RPN2: variants seen among roughly 807,000 people sequenced by gnomAD.
The protein encoded by RPN2 is dolichyl-diphosphooligosaccharide--protein glycosyltransferase subunit 2.
In RPN2, 29 loss-of-function variants were observed where a neutral mutation model predicts 71.4. The ratio of observed to expected loss-of-function variants is 0.41; its 90% CI spans 0.30 to 0.55. The LOEUF is 0.55. Among genes scored for constraint, RPN2 ranks in the 20% least tolerant of loss-of-function variants. The pLI is 0.35. For synonymous variants in RPN2, 308 were observed against 305.0 expected, an observed-to-expected ratio of 1.01 and a Z score of -0.10; for missense variants, 726 against 774.1, an observed-to-expected ratio of 0.94 and a Z score of 0.74.
At chr20:37,223,053 A>G (rs1484619808) in intron 9 of RPN2, among the ~76,000 whole-genome samples, 1 of 152,196 alleles carries the variant, frequency 6.6e-6, no homozygotes, top group Non-Finnish European at 1.5e-5. Flanking sequence ...GCTTCATGAT[A>G]TCTTTGCTCC....
chr20:37,232,068 G>A (rs1483709051), intron 13 of RPN2, among the ~76,000 whole-genome samples: 1 of 152,202 alleles, frequency 6.6e-6, no homozygotes, highest in Non-Finnish European at 1.5e-5. Flanking sequence ...GGTTGGCCAA[G>A]CAGTGAGCTG....
intron 2 of RPN2, among the ~76,000 whole-genome samples, chr20:37,185,031 T>G (rs574515077): frequency 2.3e-4 from 35 of 152,278 alleles, no homozygotes; most frequent in African/African-American, 7.5e-4. Flanking sequence ...TGGAAGGCAC[T>G]CACATGTATT....
rs373475376 is a variant in RPN2, at chr20:37,207,297, G to A, written c.715G>A (p.Ala239Thr). The part of the protein sequence containing the change: ...KEDQVIQLMN[A>T]IFSKKNFESL... Reference sequence around the variant, plus strand: ...GGATCAGGTCATCCAGCTGATGAACGCGATCTTCAGCAAGAAGAACTTTGA... The same window carrying A: ...GGATCAGGTCATCCAGCTGATGAACACGATCTTCAGCAAGAAGAACTTTGA... Residue 239 changes from alanine to threonine, a missense_variant, in exon 7 of 17, where the codon GCG becomes ACG. By Grantham distance (58) the Ala-to-Thr change is moderately conservative. Coordinates refer to ENST00000237530, the MANE Select transcript of RPN2 (RefSeq NM_002951.5). 1.1e-4 allele frequency: 172 copies of A among 1,613,916 alleles called. 2 individuals are homozygous for A. The Middle Eastern group carries it at 2.5e-3, about 23-fold the overall frequency.
Position 37,199,190 on chromosome 20 carries a change from T to TA in RPN2, c.445dup (p.Thr149AsnfsTer28), listed in dbSNP as rs748829395. ...CATCCCAAGAAGCACTCAGTGCCCT[T>TA]ACTGCTCGTCTCAGCAAGGAGGAGA... On this transcript the variant is annotated frameshift_variant, in exon 4 of 17. Transcript: ENST00000237530. LOFTEE classifies it high-confidence loss of function. The TA allele has an allele frequency of 1.2e-6, 2 of 1,614,190 alleles. No individual in the cohort carries two copies. The highest frequency in any genetic ancestry group is 1.7e-6 in the Non-Finnish European group (2 of 1,180,038).
intron 4 of RPN2, among the ~76,000 whole-genome samples, chr20:37,202,893 G>A (rs1401318139): frequency 3.9e-5 from 6 of 152,078 alleles, no homozygotes; most frequent in African/African-American, 1.2e-4. Context: ...GAGGGCTAAG[G>A]GGAGACACAA....
Position 37,225,691 on chromosome 20 carries a change from G to T in RPN2, c.1188G>T (p.Val396=). The T allele has an allele frequency of 6.2e-7, 1 of 1,611,222 alleles. No homozygotes were observed. The change falls in exon 11 of 17, where the codon GTG becomes GTT. Residue 396 remains valine (V), a synonymous_variant. Coordinates refer to ENST00000237530, the MANE Select transcript of RPN2 (RefSeq NM_002951.5). ...DQSIAPKTTR[V]TYPAKAKGTF... is the part of the protein sequence containing the mutation. ...TAACTCTATATGCCTCTTTCAGGGTGACATACCCAGCCAAAGCCAAGGGCA... is the reference window on the plus strand; with the variant it reads ...TAACTCTATATGCCTCTTTCAGGGTTACATACCCAGCCAAAGCCAAGGGCA...
Position 37,222,514 on chromosome 20 carries a change from T to A in RPN2, c.1093-1364T>A, listed in dbSNP as rs945554879. Among the ~76,000 whole-genome samples, 3 of 152,116 alleles carry A rather than the reference T, an allele frequency of 2.0e-5. No individual in the cohort carries two copies. In the East Asian group the frequency reaches 5.8e-4, roughly 29 times the overall value. On this transcript the variant is annotated intron_variant, in intron 9 of 16. Transcript: ENST00000237530. ...CCGTTAGAAGGAATTACTTGATAGG[T>A]ATCTTTATTTTTAATTTTTCTTCTT...
chr20:37,228,489 G>A, intron 11 of RPN2, 61 bp from the exon 12 acceptor site: 1 of 1,526,512 alleles, frequency 6.6e-7, no homozygotes, highest in Non-Finnish European at 9.1e-7. Flanking sequence ...TGGATTCAAT[G>A]TTAGGCCCAG....
At chr20:37,239,812 G>A (rs549888815) in intron 16 of RPN2, among the ~76,000 whole-genome samples, 1 of 152,198 alleles carries the variant, frequency 6.6e-6, no homozygotes, top group Non-Finnish European at 1.5e-5. Flanking sequence ...TGCCCGTTTG[G>A]TTTCATCCTA....
chr20:37,223,838 A>C lies in RPN2; in HGVS notation c.1093-40A>C, dbSNP rs1435000491. On this transcript the variant is annotated intron_variant, in intron 9 of 16. Transcript: ENST00000237530. ...TCTGCATGTGAATTCCTGAACACCCACCAATTGACCTGGCAACTGTCTTCT... is the reference window on the plus strand; with the variant it reads ...TCTGCATGTGAATTCCTGAACACCCCCCAATTGACCTGGCAACTGTCTTCT... 10 of 1,547,394 alleles carry C rather than the reference A, an allele frequency of 6.5e-6. No homozygotes were observed. In the East Asian group the frequency reaches 2.2e-4, roughly 35 times the overall value.
intron 9 of RPN2, among the ~76,000 whole-genome samples, chr20:37,217,832 C>T (rs2067853141): frequency 6.6e-6 from 1 of 151,902 alleles, no homozygotes; most frequent in Non-Finnish European, 1.5e-5. Context: ...CTCCCGGGTT[C>T]AAGTGATTCT....
In RPN2 at chr20:37,236,696, C is replaced by G; in HGVS notation, c.1870C>G (p.Gln624Glu). ...GGCTGGCAATCGGATGCTGGCCCAG[C>G]AGGCAGTCAAGAGGTAAGGCCAGAC... The part of the protein sequence containing the change: ...FLAGNRMLAQ[Q>E]AVKRTAH The change falls in exon 16 of 17, where the codon CAG (glutamine) becomes GAG (glutamate). Residue 624 changes from glutamine to glutamate, a missense_variant. Coordinates refer to ENST00000237530, the MANE Select transcript of RPN2 (RefSeq NM_002951.5). The G allele has an allele frequency of 6.2e-7, 1 of 1,614,076 alleles. No homozygotes were observed.
chr20:37,183,547 A>G (rs1600728611), intron 1 of RPN2, among the ~76,000 whole-genome samples: 1 of 152,244 alleles, frequency 6.6e-6, no homozygotes, highest in East Asian at 1.9e-4. Flanking sequence ...TACTATTATC[A>G]CTTTACACTT....
chr20:37,207,904 A>T (rs2067553864), intron 7 of RPN2, among the ~76,000 whole-genome samples: 1 of 151,520 alleles, frequency 6.6e-6, no homozygotes, highest in Non-Finnish European at 1.5e-5. Context: ...CTGGTGTTGA[A>T]CTCCTAGCCT....
chr20:37,181,140 A>G (rs958709268), intron 1 of RPN2, among the ~76,000 whole-genome samples: 2 of 151,952 alleles, frequency 1.3e-5, no homozygotes, highest in Admixed American at 1.3e-4. Flanking sequence ...GAGGCAGGAG[A>G]ATCGCTTGAA....
chr20:37,232,503 C>T, intron 14 of RPN2, 112 bp downstream of exon 14: 4 of 1,305,672 alleles, frequency 3.1e-6, no homozygotes, highest in Non-Finnish European at 4.4e-6. Flanking sequence ...CAGAGGGGTC[C>T]AGCAGCTGTG....
intron 9 of RPN2, among the ~76,000 whole-genome samples, chr20:37,223,619 T>G (rs1257114634): frequency 6.8e-6 from 1 of 146,274 alleles, no homozygotes; most frequent in Non-Finnish European, 1.5e-5. Context: ...CTTTTTTTCT[T>G]TTCCTTTTTC....
At chr20:37,228,238 G>A (rs1187340739) in intron 11 of RPN2, among the ~76,000 whole-genome samples, 3 of 152,158 alleles carry the variant, frequency 2.0e-5, no homozygotes, top group Non-Finnish European at 2.9e-5. Context: ...AAAGGCTGGC[G>A]GGAAAAAGAA....
chr20:37,202,607 C>G (rs1433346386), intron 4 of RPN2, among the ~76,000 whole-genome samples: 2 of 152,150 alleles, frequency 1.3e-5, no homozygotes, highest in African/African-American at 2.4e-5. Context: ...TCCAAATTAT[C>G]TGTATTAAGA....
Sources: allele counts gnomAD v4.1 joint callset (sites outside exome capture counted in the v4.1 genomes callset), GRCh38; gene constraint gnomAD v4.1.1; transcripts MANE v1.5; gene names NCBI Gene and HGNC (gene_info 2026-07-23, HGNC 2026-07-21).